PSMD14: variants seen among roughly 807,000 people sequenced by gnomAD.
The protein encoded by PSMD14 is ubiquitin C-terminal hydrolase PSMD14.
PSMD14 carries 7 observed loss-of-function variants against 41.2 expected under a neutral mutation model. The observed-to-expected ratio is 0.17, with a 90% CI of 0.10 to 0.32. The LOEUF is 0.32. Among genes scored for constraint, PSMD14 ranks in the 10% least tolerant of loss-of-function variants. The pLI, the probability that PSMD14 is intolerant of heterozygous loss-of-function variation, is 1.00. For synonymous variants in PSMD14, 114 were observed against 122.3 expected (o/e 0.93, Z 0.45); for missense variants, 139 against 375.6 (o/e 0.37, Z 5.21).
chr2:161,371,952 G>A (rs1683440308), intron 7 of PSMD14, among the ~76,000 whole-genome samples: 1 of 150,436 alleles, frequency 6.6e-6, no homozygotes, highest in Non-Finnish European at 1.5e-5. Context: ...CTCTTTTTTT[G>A]TTCATTCATT....
At chr2:161,371,041 A>G in intron 6 of PSMD14, 131 bp from the exon 7 acceptor site, 1 of 1,003,862 alleles carries the variant, frequency 1.0e-6, no homozygotes, top group Non-Finnish European at 1.4e-6. Flanking sequence ...AGGGTTTCTA[A>G]TGGTGCTTTT....
In PSMD14 at chr2:161,385,714, A is replaced by G. The variant is rs1476091927; in HGVS notation, c.570+143A>G. The stretch of plus-strand genomic sequence containing the variant: ...TTTGTTTTAAAAGAATTGTGGAAAT[A>G]CTGTTGTAAAAATTAGATTTGCTCA... On this transcript the variant is annotated intron_variant, in intron 8 of 11. Coordinates refer to ENST00000409682, the MANE Select transcript of PSMD14 (RefSeq NM_005805.6). 5.3e-6 allele frequency: 3 copies of G among 571,400 alleles called. No homozygotes were observed. In the African/African-American group the frequency reaches 5.7e-5, roughly 11 times the overall value. The allele number at this position is 571,400 out of a possible 1,614,324, so 35.4% of individuals were successfully genotyped here.
chr2:161,396,839 G>A lies in PSMD14; in HGVS notation c.771+1636G>A, dbSNP rs1164728698. Among the ~76,000 whole-genome samples the A allele has an allele frequency of 5.3e-5, 8 of 151,992 alleles. No homozygotes were observed. The East Asian group carries it at 9.7e-4, about 18-fold the overall frequency. ...GGAGTTTTTGTTTGTTTGTTTGTTTGCTTTTTGAGATGGAATCTCACTCTG... is the reference window on the plus strand; with the variant it reads ...GGAGTTTTTGTTTGTTTGTTTGTTTACTTTTTGAGATGGAATCTCACTCTG... On this transcript the variant is annotated intron_variant, in intron 10 of 11. Coordinates refer to ENST00000409682, the MANE Select transcript of PSMD14 (RefSeq NM_005805.6).
At chr2:161,390,795 TATGA>T (rs1683700910) in intron 8 of PSMD14, among the ~76,000 whole-genome samples, 1 of 152,172 alleles carries the variant, frequency 6.6e-6, no homozygotes, top group Non-Finnish European at 1.5e-5. Context: ...TTTAATAAAT[TATGA>T]ATGATTTATA....
intron 3 of PSMD14, among the ~76,000 whole-genome samples, chr2:161,344,389 C>T (rs1478648407): frequency 1.3e-5 from 2 of 152,120 alleles, no homozygotes; most frequent in Non-Finnish European, 2.9e-5. Flanking sequence ...GTTGTATCCT[C>T]GCATAGCAGA....
intron 3 of PSMD14, among the ~76,000 whole-genome samples, chr2:161,350,938 T>C (rs756967433): frequency 6.6e-6 from 1 of 152,236 alleles, no homozygotes; most frequent in Non-Finnish European, 1.5e-5. Flanking sequence ...ATGTTTCTTC[T>C]CATCATTGCC....
At chr2:161,353,758 G>GCA (rs1683152726) in intron 3 of PSMD14, among the ~76,000 whole-genome samples, 1 of 152,118 alleles carries the variant, frequency 6.6e-6, no homozygotes, top group South Asian at 2.1e-4. Context: ...TCAGGGCAGG[G>GCA]ACTTTCCTAC....
chr2:161,317,939 T>C (rs1225385824), intron 2 of PSMD14, among the ~76,000 whole-genome samples: 2 of 152,206 alleles, frequency 1.3e-5, no homozygotes, highest in African/African-American at 4.8e-5. Context: ...TGTACTGTTA[T>C]TAACTTTTAA....
chr2:161,333,847 A>G (rs1682829525), intron 3 of PSMD14, among the ~76,000 whole-genome samples: 1 of 152,148 alleles, frequency 6.6e-6, no homozygotes. Flanking sequence ...CCTGGTCAGC[A>G]TGGTGAAACC....
At chr2:161,355,679 A>G (rs1683185978) in intron 3 of PSMD14, among the ~76,000 whole-genome samples, 1 of 152,192 alleles carries the variant, frequency 6.6e-6, no homozygotes, top group Admixed American at 6.5e-5. Flanking sequence ...GCACCTTATC[A>G]GAATAATAAA....
At chr2:161,375,780 C>T (rs768621537) in intron 7 of PSMD14, among the ~76,000 whole-genome samples, 5 of 151,762 alleles carry the variant, frequency 3.3e-5, no homozygotes, top group Non-Finnish European at 7.4e-5. Flanking sequence ...ATCTGTAATC[C>T]CAGCACTTTG....
intron 2 of PSMD14, among the ~76,000 whole-genome samples, chr2:161,317,824 A>G (rs1409848978): frequency 1.3e-5 from 2 of 152,214 alleles, no homozygotes; most frequent in Admixed American, 1.3e-4. Flanking sequence ...TTGTAATAAT[A>G]CCATTTTCTT....
At chr2:161,380,952 A>G (rs556529960) in intron 7 of PSMD14, among the ~76,000 whole-genome samples, 4 of 152,012 alleles carry the variant, frequency 2.6e-5, no homozygotes, top group African/African-American at 9.7e-5. Context: ...AGTTGATAAC[A>G]GGTCATTTCT....
At chr2:161,323,927 G>T (rs1024402131) in intron 3 of PSMD14, among the ~76,000 whole-genome samples, 2 of 44,922 alleles carry the variant, frequency 4.5e-5, no homozygotes, top group African/African-American at 2.2e-4. Flanking sequence ...TGGCTACTTC[G>T]TTGTCTTTAT....
chr2:161,390,802 G>GATTTATAATTTATAATTTATAATTTATA (rs1683700970), intron 8 of PSMD14, among the ~76,000 whole-genome samples: 1 of 152,082 alleles, frequency 6.6e-6, no homozygotes, highest in African/African-American at 2.4e-5. Context: ...AATTATGAAT[G>GATTTATAATTTATAATTTATAATTTATA]ATTTATAAAC....
intron 3 of PSMD14, among the ~76,000 whole-genome samples, chr2:161,348,558 A>G (rs1044589944): frequency 2.7e-4 from 41 of 152,222 alleles, no homozygotes; most frequent in Non-Finnish European, 2.6e-4. Flanking sequence ...AAAATGAATA[A>G]TCCTCACATA....
chr2:161,315,226 T>G (rs1449582599), intron 1 of PSMD14, among the ~76,000 whole-genome samples: 5 of 152,170 alleles, frequency 3.3e-5, no homozygotes, highest in African/African-American at 1.2e-4. Flanking sequence ...AGGGATGATG[T>G]TAAACATCCT....
At chr2:161,364,123 G>A (rs926209068) in intron 3 of PSMD14, among the ~76,000 whole-genome samples, 19 of 152,218 alleles carry the variant, frequency 1.2e-4, no homozygotes, top group East Asian at 3.9e-4. Flanking sequence ...GAGTCAGGAC[G>A]CTGTCCTCCA....
intron 3 of PSMD14, among the ~76,000 whole-genome samples, chr2:161,342,690 A>G (rs1336377822): frequency 6.6e-6 from 1 of 152,064 alleles, no homozygotes; most frequent in Non-Finnish European, 1.5e-5. Flanking sequence ...ACATTTCACA[A>G]AATTATTGAA....
Sources: gnomAD v4.1 joint callset for allele counts (sites outside exome capture counted in the v4.1 genomes callset) on GRCh38, gnomAD v4.1.1 for gene constraint, MANE v1.5 for transcripts, NCBI Gene and HGNC (gene_info 2026-07-23, HGNC 2026-07-21) for gene names.